The following RAB12 variants were observed in gnomAD, a reference collection of about 807,000 sequenced individuals.
RAB12 encodes the protein ras-related protein Rab-12.
Under a neutral mutation model 28.4 loss-of-function variants are expected in RAB12, and 11 were observed. The observed-to-expected ratio is 0.39, with a 90% CI of 0.24 to 0.64. The LOEUF (loss-of-function observed/expected upper bound fraction) is 0.64. Ranked by LOEUF, RAB12 falls within the 30% of genes least tolerant of loss-of-function variation. RAB12 has a pLI of 0.50. For missense variants in RAB12, 276 were observed against 351.1 expected (o/e 0.79, Z 1.71); for synonymous variants, 138 against 145.3 (o/e 0.95, Z 0.36).
At chr18:8,625,174 T>C (rs1461492938) in intron 2 of RAB12, among the ~76,000 whole-genome samples, 176 bp downstream of exon 2, 3 of 152,258 alleles carry the variant, frequency 2.0e-5, no homozygotes, top group East Asian at 3.8e-4. Context: ...ATAAGGCTGT[T>C]ATGTTATATG....
chr18:8,631,208 A>G (rs2096015806), intron 2 of RAB12, among the ~76,000 whole-genome samples: 1 of 152,252 alleles, frequency 6.6e-6, no homozygotes, highest in African/African-American at 2.4e-5. Flanking sequence ...CTAATTCTAC[A>G]GCATTTTTCA....
At chr18:8,636,528 C>T (rs2096019038) in intron 5 of RAB12, among the ~76,000 whole-genome samples, 171 bp downstream of exon 5, 1 of 152,200 alleles carries the variant, frequency 6.6e-6, no homozygotes, top group African/African-American at 2.4e-5. Context: ...CCTGCTGTAG[C>T]CGTTTCCCAC....
chr18:8,624,077 G>C (rs576935389), intron 1 of RAB12, among the ~76,000 whole-genome samples: 1 of 152,348 alleles, frequency 6.6e-6, no homozygotes, highest in East Asian at 1.9e-4. Context: ...CTGCTGGCCC[G>C]GGGAGCTGGG....
chr18:8,635,823 A>G (rs2096018575), intron 4 of RAB12: 4 of 502,298 alleles, frequency 8.0e-6, no homozygotes, highest in South Asian at 6.5e-5. Flanking sequence ...AGAAAAAAAC[A>G]CATCAGTGTA....
Position 8,636,704 on chromosome 18 carries a change from A to C in RAB12, c.909+347A>C, listed in dbSNP as rs552940337. On this transcript the variant is annotated intron_variant, in intron 5 of 5. Coordinates refer to ENST00000649141, the MANE Select transcript of RAB12 (RefSeq NM_001025300.3). ...GAGAATTCAGTTGGAGACCTAGCCA[A>C]GTCTGCAGGTGTCTTAGCGGAAAAG... Among the ~76,000 whole-genome samples the C allele has an allele frequency of 2.0e-5, 3 of 152,320 alleles. No homozygotes were observed. The South Asian group carries it at 6.2e-4, about 32-fold the overall frequency.
Position 8,629,506 on chromosome 18 carries a change from G to A in RAB12, c.576-3683G>A, listed in dbSNP as rs990017875. ...TCTAATTTTTAAACATGTTACCAGC[G>A]CATGTCTACTGATCGTGTACTGCAG... On this transcript the variant is annotated intron_variant, in intron 2 of 5. Transcript: ENST00000649141. Among the ~76,000 whole-genome samples the A allele has an allele frequency of 3.9e-5, 6 of 152,254 alleles. 1 individual carries two copies. Among genetic ancestry groups the A allele is most frequent in the Non-Finnish European group, 4.4e-5 (3 of 68,024 alleles).
chr18:8,617,757 C>G (rs929135248), intron 1 of RAB12, among the ~76,000 whole-genome samples: 1 of 152,156 alleles, frequency 6.6e-6, no homozygotes, highest in African/African-American at 2.4e-5. Context: ...GGAGCACAGC[C>G]GGGAGCCAGG....
chr18:8,617,453 T>G (rs2096007329), intron 1 of RAB12, among the ~76,000 whole-genome samples: 1 of 134,506 alleles, frequency 7.4e-6, no homozygotes, highest in African/African-American at 2.6e-5. Context: ...TTGATCATGG[T>G]TTTTTTTTTT....
intron 1 of RAB12, among the ~76,000 whole-genome samples, chr18:8,622,885 A>G (rs2096010675): frequency 6.6e-6 from 1 of 152,192 alleles, no homozygotes; most frequent in African/African-American, 2.4e-5. Flanking sequence ...TTGCTGAGAA[A>G]AAGAATTCAG....
Position 8,613,509 on chromosome 18 carries a change from T to C in RAB12, c.514+3556T>C, listed in dbSNP as rs369095415. 1.1e-4 allele frequency among the ~76,000 whole-genome samples: 16 copies of C among 152,196 alleles called. No individual in the cohort carries two copies. The East Asian group carries it at 1.2e-3, about 11-fold the overall frequency. On this transcript the variant is annotated intron_variant, in intron 1 of 5. Transcript: ENST00000649141. ...CCGAATTCTTGATCTTGGTTCCTTC[T>C]GTTTGACTCTCATTAGTTTTAGCAT...
chr18:8,631,308 C>G (rs1010497634), intron 2 of RAB12, among the ~76,000 whole-genome samples: 2 of 152,154 alleles, frequency 1.3e-5, no homozygotes, highest in African/African-American at 4.8e-5. Context: ...TAAATAGTGT[C>G]AATTGTCCTA....
At chr18:8,633,684 A>G (rs528996657) in intron 3 of RAB12, among the ~76,000 whole-genome samples, 2 of 152,282 alleles carry the variant, frequency 1.3e-5, no homozygotes, top group East Asian at 1.9e-4. Context: ...CTGAGTGACA[A>G]CCTTGAGGAG....
rs1455409125 is a variant in RAB12, at chr18:8,639,013, G to A, written c.*751G>A. 1 of 152,076 alleles carries A rather than the reference G, an allele frequency of 6.6e-6. No individual in the cohort carries two copies. Among genetic ancestry groups the A allele is most frequent in the Non-Finnish European group, 1.5e-5 (1 of 68,008 alleles). The allele number at this position is 152,076 out of a possible 1,614,324, so 9.4% of individuals were successfully genotyped here. On this transcript the variant is annotated 3_prime_UTR_variant, in exon 6 of 6. Coordinates refer to ENST00000649141, the MANE Select transcript of RAB12 (RefSeq NM_001025300.3). ...CTGTCCTAAACAAATCCTGTTTAAA[G>A]GAATTTTAAAGAGATGCATTTTACT...
rs1202568279 is a variant in RAB12 at position 8,609,533 on chromosome 18, G to T, written c.94G>T (p.Gly32Cys). ...SGGGGGGGDP[G>C]AESRPAAQLQ... ...CGGAGGAGGAGGAGGAGGGGACCCGGGCGCAGAGAGCCGGCCGGCGGCGCA... is the reference window on the plus strand; with the variant it reads ...CGGAGGAGGAGGAGGAGGGGACCCGTGCGCAGAGAGCCGGCCGGCGGCGCA... Residue 32 changes from glycine to cysteine, a missense_variant, in exon 1 of 6, where the codon GGC becomes TGC. Around this residue, in one of 4 missense-constraint regions of RAB12, gnomAD observed 72 missense variants for 55.5 expected, o/e 1.30. Coordinates refer to ENST00000649141, the MANE Select transcript of RAB12 (RefSeq NM_001025300.3). The T allele has an allele frequency of 6.6e-6, 1 of 152,104 alleles. No individual in the cohort carries two copies. Among genetic ancestry groups the T allele is most frequent in the East Asian group, 1.9e-4 (1 of 5,154 alleles). The allele number at this position is 152,104 out of a possible 1,614,324, so 9.4% of individuals were successfully genotyped here. A position where few individuals can be genotyped will look rare whatever the true frequency, so the allele number is the denominator to read the frequency against.
chr18:8,613,014 T>C (rs973962170), intron 1 of RAB12, among the ~76,000 whole-genome samples: 1 of 152,262 alleles, frequency 6.6e-6, no homozygotes, highest in African/African-American at 2.4e-5. Context: ...AGATCCGTAG[T>C]GGAAGTCCTT....
rs1567898835 is a variant in RAB12 at position 8,639,147 on chromosome 18, C to CTTTTTGTTTTTTTTTTT, written c.*890_*891insGTTTTTTTTTTTTTTTT. ...ATTCTGATTAAGCCTAGACTGTGTT[C>CTTTTTGTTTTTTTTTTT]TTTTTTTTTTTTTTTTTTTTTTTTT... On this transcript the variant is annotated 3_prime_UTR_variant, in exon 6 of 6. Coordinates refer to ENST00000649141, the MANE Select transcript of RAB12 (RefSeq NM_001025300.3). The CTTTTTGTTTTTTTTTTT allele has an allele frequency of 1.2e-4, 2 of 16,024 alleles. No individual in the cohort carries two copies. The highest frequency in any genetic ancestry group is 2.6e-4 in the Non-Finnish European group (2 of 7,590). The allele number at this position is 16,024 out of a possible 1,614,324, so 1.0% of individuals were successfully genotyped here. A position where few individuals can be genotyped will look rare whatever the true frequency, so the allele number is the denominator to read the frequency against.
At chr18:8,624,884 T>C in intron 1 of RAB12, 54 bp from the exon 2 acceptor site, 1 of 1,122,182 alleles carries the variant, frequency 8.9e-7, no homozygotes, top group Non-Finnish European at 1.3e-6. Context: ...TTATTTTGTA[T>C]GACAAATTGC....
rs771734889 is a variant in RAB12 at position 8,609,834 on chromosome 18, C to G, written c.395C>G (p.Pro132Arg). ...CAGGGCCGCCGGAGGAAGCAGCCCC[C>G]CAGGCCGGCCGACTTCAAGTTGCAG... Reference protein sequence around the residue: ...GGQGRRRKQPPRPADFKLQVI... With the variant: ...GGQGRRRKQPRRPADFKLQVI... Residue 132 changes from proline (P) to arginine (R), a missense_variant, in exon 1 of 6, where the codon CCC (proline) becomes CGC (arginine). By Grantham distance (103) the Pro-to-Arg change is moderately radical (BLOSUM62 -2). This residue lies in a region of RAB12 where 76 missense variants were observed against 117.9 expected (regional missense o/e 0.64). Transcript: ENST00000649141. 9 of 1,568,670 alleles carry G rather than the reference C, an allele frequency of 5.7e-6. No homozygotes were observed. The highest frequency in any genetic ancestry group is 7.8e-6 in the Non-Finnish European group (9 of 1,160,514).
In RAB12 at chr18:8,639,317, G is replaced by A. The variant is rs1055566721; in HGVS notation, c.*1055G>A. 6.6e-6 allele frequency: 1 copy of A among 151,772 alleles called. No individual in the cohort carries two copies. The highest frequency in any genetic ancestry group is 6.6e-5 in the Admixed American group (1 of 15,200). The allele number at this position is 151,772 out of a possible 1,614,324, so 9.4% of individuals were successfully genotyped here. The stretch of plus-strand genomic sequence containing the variant: ...AACTTGGTGTGTCTTGAGTGTTGTG[G>A]TATGAAAAGCATTGTGGTCTTTCTA... On this transcript the variant is annotated 3_prime_UTR_variant, in exon 6 of 6. Transcript: ENST00000649141.
Sources: gnomAD v4.1 joint callset for allele counts (sites outside exome capture counted in the v4.1 genomes callset) on GRCh38, gnomAD v4.1.1 for gene constraint, gnomAD v4.1.1 regional missense constraint, MANE v1.5 for transcripts, NCBI Gene and HGNC (gene_info 2026-07-23, HGNC 2026-07-21) for gene names.